The following ZNF3 variants were observed in gnomAD, a reference collection of about 807,000 sequenced individuals.
The protein encoded by ZNF3 is zinc finger protein 3.
A neutral mutation model predicts 36.9 loss-of-function variants in ZNF3; 16 were observed. The observed-to-expected ratio is 0.43, with a 90% confidence interval of 0.29 to 0.66. ZNF3 has a LOEUF of 0.66. ZNF3 is among the 30% of genes least tolerant of loss of function. ZNF3 has a pLI of 0.13. For missense variants in ZNF3, 462 were observed against 543.1 expected, an observed-to-expected ratio of 0.85 and a Z score of 1.48; for synonymous variants, 201 against 201.9, an observed-to-expected ratio of 1.00 and a Z score of 0.04.
In ZNF3 at chr7:100,072,149, A is replaced by T; in HGVS notation, c.335T>A (p.Leu112Gln). 4 of 1,612,742 alleles carry T rather than the reference A, an allele frequency of 2.5e-6. No homozygotes were observed. The highest frequency in any genetic ancestry group is 3.4e-6 in the Non-Finnish European group (4 of 1,179,690). Residue 112 changes from leucine to glutamine, a missense_variant, in exon 6 of 6, where the codon CTA becomes CAA. Leu to Gln is a moderately radical substitution (Grantham distance 113). Transcript: ENST00000299667. Reference protein sequence around the residue: ...ISEDTRSHGVLLGRFQKDISQ... With the variant: ...ISEDTRSHGVQLGRFQKDISQ... The stretch of plus-strand genomic sequence containing the variant: ...AATATCCTTTTGAAATCTTCCCAGT[A>T]GGACCCCATGTGATCTTGTGTCTTC...
chr7:100,064,958 T>C (rs761837280), intron 5 of ZNF3: 3 of 1,604,688 alleles, frequency 1.9e-6, no homozygotes, highest in South Asian at 2.2e-5. Flanking sequence ...TTAACATATA[T>C]TCAAGAATTT....
At position 100,079,342 on chromosome 7, in the gene ZNF3, T is replaced by C. The variant is rs1381554581; in HGVS notation, c.-77+194A>G. Among the ~76,000 whole-genome samples, 4 of 152,304 alleles carry C rather than the reference T, an allele frequency of 2.6e-5. No individual in the cohort carries two copies. The East Asian group carries it at 7.7e-4, about 29-fold the overall frequency. On this transcript the variant is annotated intron_variant, in intron 2 of 5. Transcript: ENST00000299667. ...GAAGCTGGAACTCAAAGGCATATTG[T>C]TGAGAACAAGCACCCAGTGTCCAGA...
At chr7:100,064,259 C>T (rs775813808) in exon 6 of ZNF3, 2 of 1,614,144 alleles carry the variant, frequency 1.2e-6, no homozygotes, top group Admixed American at 1.7e-5. Flanking sequence ...AGAATGCACA[C>T]AGAAGAGGCG....
In ZNF3 at chr7:100,075,207, G is replaced by A. The variant is rs1342225160; in HGVS notation, c.199C>T (p.Arg67Cys). 3.1e-6 allele frequency: 5 copies of A among 1,614,166 alleles called. No individual in the cohort carries two copies. The highest frequency in any genetic ancestry group is 2.2e-5 in the South Asian group (2 of 91,086). Residue 67 changes from arginine (R) to cysteine (C), a missense_variant, in exon 5 of 6, where the codon CGT (arginine) becomes TGT (cysteine). By Grantham distance (180) the Arg-to-Cys change is radical (BLOSUM62 -3). Transcript: ENST00000299667. ...AVYFIRKEWK[R>C]LEPAQRDLYR... is the part of the protein sequence containing the mutation. ...AGGTCCCTCTGAGCAGGTTCCAAACGCTTCCACTCCTTCCGGATGAAGTAC... is the reference window on the plus strand; with the variant it reads ...AGGTCCCTCTGAGCAGGTTCCAAACACTTCCACTCCTTCCGGATGAAGTAC...
Position 100,072,084 on chromosome 7 carries a change from C to T in ZNF3, c.400G>A (p.Val134Ile). The change falls in exon 6 of 6, where the codon GTC becomes ATC. Residue 134 changes from valine to isoleucine, a missense_variant. Physicochemically the swap from Val to Ile is conservative, Grantham distance 29. Transcript: ENST00000299667. Reference sequence around the variant, plus strand: ...TTCCCCAGCGGCCTTTTCAGACTGACTTCTCGTTCATAGGCTTCTTTAAAC... The same window carrying T: ...TTCCCCAGCGGCCTTTTCAGACTGATTTCTCGTTCATAGGCTTCTTTAAAC... ...LKFKEAYERE[V>I]SLKRPLGNSP... is the part of the protein sequence containing the mutation. The T allele has an allele frequency of 1.2e-6, 2 of 1,614,226 alleles. No homozygotes were observed. Among genetic ancestry groups the T allele is most frequent in the Non-Finnish European group, 1.7e-6 (2 of 1,180,042 alleles).
intron 1 of ZNF3, among the ~76,000 whole-genome samples, chr7:100,080,293 C>A (rs1372680121): frequency 6.6e-6 from 1 of 152,188 alleles, no homozygotes; most frequent in Non-Finnish European, 1.5e-5. Flanking sequence ...GAAAATCTAT[C>A]TCCTTGGACC....
upstream of ZNF3, chr7:100,082,556 A>G: frequency 6.6e-6 from 1 of 152,384 alleles, no homozygotes. Context: ...ACTGTACTCC[A>G]GGCTGGCCAC....
At chr7:100,075,388 AAG>A in intron 4 of ZNF3, 127 bp from the exon 5 acceptor site, 1 of 1,560,264 alleles carries the variant, frequency 6.4e-7, no homozygotes, top group Non-Finnish European at 8.8e-7. Context: ...AGGGTGGAGG[AAG>A]AGAGACAGGA....
Position 100,081,323 on chromosome 7 carries a change from A to T in ZNF3, c.-198+312T>A, listed in dbSNP as rs117464141. 0.06 allele frequency among the ~76,000 whole-genome samples: 9,094 copies of T among 152,348 alleles called. 384 individuals are homozygous for T. The highest frequency in any genetic ancestry group is 0.11 in the South Asian group (523 of 4,826). On this transcript the variant is annotated intron_variant, in intron 1 of 5. Coordinates refer to ENST00000299667, the MANE Select transcript of ZNF3 (RefSeq NM_032924.5). The surrounding 1 kb of genome is among the most constrained non-coding windows in gnomAD (Gnocchi z 4.3). ...ATACCAAGTTAGGGTCGCTGTCATT[A>T]GCTGCTTTCAAGAGAGAGGCGCCCC...
In ZNF3 at chr7:100,070,600, C is replaced by T. The variant is rs1444511155; in HGVS notation, c.*543G>A. On this transcript the variant is annotated 3_prime_UTR_variant, in exon 6 of 6. Coordinates refer to ENST00000299667, the MANE Select transcript of ZNF3 (RefSeq NM_032924.5). ...ATCACAGATGATGATTCTGGAATCT[C>T]TTCTACCCTCAATAAAATAATCCCT... is the stretch of plus-strand genomic sequence containing the variant. 1 of 988,606 alleles carries T rather than the reference C, an allele frequency of 1.0e-6. No individual in the cohort carries two copies. The highest frequency in any genetic ancestry group is 1.2e-6 in the Non-Finnish European group (1 of 831,872). 61.2% of individuals were successfully genotyped at this position (988,606 alleles called of 1,614,324 possible).
chr7:100,074,464 G>A (rs1262323302), intron 5 of ZNF3, among the ~76,000 whole-genome samples: 1 of 152,018 alleles, frequency 6.6e-6, no homozygotes, highest in African/African-American at 2.4e-5. Context: ...TAGAGACAGG[G>A]TCTCGCCATG....
chr7:100,071,937 C>T lies in ZNF3; in HGVS notation c.547G>A (p.Val183Met). The T allele has an allele frequency of 6.2e-7, 1 of 1,614,236 alleles. No homozygotes were observed. Among genetic ancestry groups the T allele is most frequent in the Non-Finnish European group, 8.5e-7 (1 of 1,180,036 alleles). Residue 183 changes from valine (V) to methionine (M), a missense_variant, in exon 6 of 6, where the codon GTG (valine) becomes ATG (methionine). Physicochemically the swap from Val to Met is conservative, Grantham distance 21. Coordinates refer to ENST00000299667, the MANE Select transcript of ZNF3 (RefSeq NM_032924.5). ...KYNDFGNSFT[V>M]NSNLISHQRL... ...TGATGTGAGATAAGGTTGGAATTCA[C>T]AGTGAAGCTGTTCCCAAAATCATTA...
intron 5 of ZNF3, chr7:100,064,930 A>G (rs777804877): frequency 2.5e-6 from 4 of 1,610,672 alleles, no homozygotes; most frequent in East Asian, 2.2e-5. Flanking sequence ...AGGAAGAAAC[A>G]TTAAGATTGT....
At position 100,071,378 on chromosome 7, in the gene ZNF3, T is replaced by G. The variant is rs372459677; in HGVS notation, c.1106A>C (p.Glu369Ala). The change falls in exon 6 of 6, where the codon GAA (glutamate) becomes GCA (alanine). Residue 369 changes from glutamate to alanine, a missense_variant. By Grantham distance (107) the Glu-to-Ala change is moderately radical. Coordinates refer to ENST00000299667, the MANE Select transcript of ZNF3 (RefSeq NM_032924.5). ...AAACTTTCCTCCACATTCCATACATTCGTAGGGCTTCTCTCCAGTGTGGAT... is the reference window on the plus strand; with the variant it reads ...AAACTTTCCTCCACATTCCATACATGCGTAGGGCTTCTCTCCAGTGTGGAT... The part of the protein sequence containing the change: ...QRIHTGEKPY[E>A]CMECGGKFTY... 1.2e-6 allele frequency: 2 copies of G among 1,614,018 alleles called. No homozygotes were observed. Among genetic ancestry groups the G allele is most frequent in the Non-Finnish European group, 1.7e-6 (2 of 1,180,042 alleles).
At position 100,071,542 on chromosome 7, in the gene ZNF3, G is replaced by A. The variant is rs1793150387; in HGVS notation, c.942C>T (p.Cys314=). The change falls in exon 6 of 6, where the codon TGC becomes TGT. Residue 314 remains cysteine, a synonymous_variant. Transcript: ENST00000299667. ...TGCTGAAGGCCTTCCCACATTCATTGCAGGCGTAGGGTTTCTCACCAGTGT... is the reference window on the plus strand; with the variant it reads ...TGCTGAAGGCCTTCCCACATTCATTACAGGCGTAGGGTTTCTCACCAGTGT... The part of the protein sequence containing the change: ...RIHTGEKPYA[C]NECGKAFSRS... 1 of 1,609,670 alleles carries A rather than the reference G, an allele frequency of 6.2e-7. No individual in the cohort carries two copies. The highest frequency in any genetic ancestry group is 1.7e-5 in the Admixed American group (1 of 59,514).
rs373674044 is a variant in ZNF3, at chr7:100,071,674, G to A, written c.810C>T (p.Ala270=). 1.7e-5 allele frequency: 28 copies of A among 1,613,448 alleles called. 1 individual carries two copies. Among genetic ancestry groups the A allele is most frequent in the Non-Finnish European group, 2.1e-5 (25 of 1,179,888 alleles). ...DCGKTFSCSS[A]LILHRRIHTG... The stretch of plus-strand genomic sequence containing the variant: ...TGTGGATCCTCCGATGCAGAATGAG[G>A]GCAGAGCTACAGCTGAAGGTTTTCC... Residue 270 remains alanine, a synonymous_variant, in exon 6 of 6, where the codon GCC becomes GCT. Transcript: ENST00000299667.
chr7:100,065,117 G>C, downstream of ZNF3: 1 of 822,354 alleles, frequency 1.2e-6, no homozygotes, highest in Non-Finnish European at 1.8e-6. Context: ...ATTCCTACTG[G>C]TTTAGCTTTT....
intron 5 of ZNF3, 151 bp from the exon 6 acceptor site, chr7:100,072,363 G>A: frequency 1.4e-6 from 1 of 714,140 alleles, no homozygotes; most frequent in South Asian, 2.0e-5. Context: ...AAGGCAAAAT[G>A]AGACAGCCGG....
At chr7:100,066,004 G>A (rs558523746), downstream of ZNF3, among the ~76,000 whole-genome samples, 1 of 150,516 alleles carries the variant, frequency 6.6e-6, no homozygotes, top group Non-Finnish European at 1.5e-5. Flanking sequence ...CAGGTCCTTT[G>A]GGGAAATATT....
Sources: allele counts gnomAD v4.1 joint callset (sites outside exome capture counted in the v4.1 genomes callset), GRCh38; gene constraint gnomAD v4.1.1; non-coding constraint Gnocchi (gnomAD v3.1); transcripts MANE v1.5; gene names NCBI Gene and HGNC (gene_info 2026-07-23, HGNC 2026-07-21).